The following MPPED2 variants were observed in gnomAD, a reference collection of about 807,000 sequenced individuals.
MPPED2 encodes the protein metallophosphoesterase MPPED2.
A neutral mutation model predicts 33.0 loss-of-function variants in MPPED2; 5 were observed. The observed-to-expected ratio is 0.15, with a 90% CI of 0.08 to 0.32. The LOEUF is 0.32. Ranked by LOEUF, MPPED2 falls within the 10% of genes least tolerant of loss-of-function variation. The pLI is 1.00. For missense variants in MPPED2, 275 were observed against 372.1 expected (o/e 0.74, Z 2.15); for synonymous variants, 136 against 141.9 (o/e 0.96, Z 0.29).
intron 4 of MPPED2, among the ~76,000 whole-genome samples, chr11:30,428,264 TGC>T (rs1196352578): frequency 6.6e-6 from 1 of 152,254 alleles, no homozygotes; most frequent in African/African-American, 2.4e-5. Context: ...TCAGTTTAAA[TGC>T]ACACAACATT....
chr11:30,522,323 T>C (rs542247503), intron 3 of MPPED2, among the ~76,000 whole-genome samples: 3 of 151,892 alleles, frequency 2.0e-5, no homozygotes, highest in East Asian at 3.9e-4. Flanking sequence ...GAAAGATACA[T>C]TGAAATATTT....
chr11:30,507,840 C>T (rs1952926931), intron 3 of MPPED2, among the ~76,000 whole-genome samples: 2 of 152,284 alleles, frequency 1.3e-5, no homozygotes, highest in South Asian at 2.1e-4. Flanking sequence ...ACAAGCCTCC[C>T]GCTGGTATGA....
At chr11:30,564,762 C>G (rs1224544491) in intron 2 of MPPED2, among the ~76,000 whole-genome samples, 1 of 152,164 alleles carries the variant, frequency 6.6e-6, no homozygotes, top group African/African-American at 2.4e-5. Flanking sequence ...AGCATTCACA[C>G]TTATTTTAAA....
chr11:30,575,568 C>T (rs1956894623), intron 2 of MPPED2, among the ~76,000 whole-genome samples: 1 of 152,184 alleles, frequency 6.6e-6, no homozygotes, highest in Admixed American at 6.5e-5. Context: ...TGTCCTCATT[C>T]CCCAGCCCAA....
chr11:30,419,428 G>A (rs902535327), intron 4 of MPPED2, among the ~76,000 whole-genome samples: 4 of 152,174 alleles, frequency 2.6e-5, no homozygotes, highest in African/African-American at 9.7e-5. Context: ...CTTGTTGCTT[G>A]AAGCCTAGTG....
chr11:30,406,023 C>T (rs972443359), downstream of MPPED2, among the ~76,000 whole-genome samples: 13 of 152,048 alleles, frequency 8.5e-5, no homozygotes, highest in African/African-American at 2.4e-4. Flanking sequence ...TATGTCAAAA[C>T]GCATGACAAA....
intron 4 of MPPED2, among the ~76,000 whole-genome samples, chr11:30,475,288 T>C (rs1172426063): frequency 6.6e-6 from 1 of 152,172 alleles, no homozygotes; most frequent in Non-Finnish European, 1.5e-5. Context: ...AAAAATTTTA[T>C]TGGGATAAAA....
At chr11:30,444,465 T>G (rs930548661) in intron 4 of MPPED2, among the ~76,000 whole-genome samples, 11 of 151,900 alleles carry the variant, frequency 7.2e-5, no homozygotes, top group African/African-American at 2.7e-4. Context: ...TTTTTTTTTT[T>G]TTTAGAAAAA....
chr11:30,504,879 G>C, intron 3 of MPPED2: 1 of 1,109,002 alleles, frequency 9.0e-7, no homozygotes, highest in Non-Finnish European at 1.2e-6. Flanking sequence ...TAATGTCAGG[G>C]CTGAGCCAGA....
chr11:30,400,092 T>C (rs1424091145), intron 6 of MPPED2, among the ~76,000 whole-genome samples: 1 of 152,196 alleles, frequency 6.6e-6, no homozygotes, highest in Non-Finnish European at 1.5e-5. Flanking sequence ...TACTTTTTAA[T>C]TTCTTAGAGA....
chr11:30,421,873 T>C (rs1405880087), intron 4 of MPPED2, among the ~76,000 whole-genome samples: 1 of 152,196 alleles, frequency 6.6e-6, no homozygotes, highest in East Asian at 1.9e-4. Flanking sequence ...AGTAAAAACA[T>C]AGTATGATAT....
chr11:30,395,410 TCAGGTCAGGCTG>T (rs1565031247), intron 6 of MPPED2, among the ~76,000 whole-genome samples: 1 of 152,186 alleles, frequency 6.6e-6, no homozygotes, highest in Non-Finnish European at 1.5e-5. Context: ...CAATCCTAGG[TCAGGTCAGGCTG>T]ACCCTCAAGT....
At chr11:30,435,835 G>A (rs1230647419) in intron 4 of MPPED2, among the ~76,000 whole-genome samples, 1 of 152,104 alleles carries the variant, frequency 6.6e-6, no homozygotes, top group Non-Finnish European at 1.5e-5. Flanking sequence ...TTTGGTCTCA[G>A]GTCAGCCTGT....
intron 4 of MPPED2, among the ~76,000 whole-genome samples, chr11:30,431,828 G>A (rs769696715): frequency 5.3e-5 from 8 of 152,036 alleles, no homozygotes; most frequent in Admixed American, 2.0e-4. Context: ...GTCCTCTGTC[G>A]CTTACTCAGT....
At chr11:30,583,096 T>C (rs1020080203) in intron 1 of MPPED2, among the ~76,000 whole-genome samples, 6 of 146,956 alleles carry the variant, frequency 4.1e-5, no homozygotes, top group African/African-American at 1.5e-4. Context: ...GAACACATCT[T>C]AAGAATTTTA....
At chr11:30,461,511 A>G (rs1950516774) in intron 4 of MPPED2, among the ~76,000 whole-genome samples, 1 of 152,156 alleles carries the variant, frequency 6.6e-6, no homozygotes, top group Non-Finnish European at 1.5e-5. Flanking sequence ...CAGCAAGTCT[A>G]CCCTTGCTCG....
At chr11:30,462,726 G>C (rs1402419598) in intron 4 of MPPED2, among the ~76,000 whole-genome samples, 1 of 151,818 alleles carries the variant, frequency 6.6e-6, no homozygotes, top group Non-Finnish European at 1.5e-5. Context: ...CCATATAATC[G>C]ATTAAATAAA....
downstream of MPPED2, among the ~76,000 whole-genome samples, chr11:30,409,315 T>A (rs1002672692): frequency 1.9e-4 from 29 of 152,112 alleles, no homozygotes; most frequent in African/African-American, 6.5e-4. Context: ...ATGTAGAAGG[T>A]CAAGGAAGTG....
chr11:30,476,985 C>T (rs1951234737), intron 4 of MPPED2, among the ~76,000 whole-genome samples: 1 of 152,070 alleles, frequency 6.6e-6, no homozygotes, highest in African/African-American at 2.4e-5. Flanking sequence ...TTTGGTGCTA[C>T]TGTAATTAAC....
Sources: gnomAD v4.1 joint callset for allele counts (sites outside exome capture counted in the v4.1 genomes callset) on GRCh38, gnomAD v4.1.1 for gene constraint, MANE v1.5 for transcripts, NCBI Gene and HGNC (gene_info 2026-07-23, HGNC 2026-07-21) for gene names.